Variants in CEP170 observed in about 807,000 individuals in gnomAD.
CEP170 encodes the protein centrosomal protein 170.
Under a neutral mutation model 151.9 loss-of-function variants are expected in CEP170, and 21 were observed. That is an observed-to-expected ratio of 0.14 (90% confidence interval 0.10 to 0.20). CEP170 has a LOEUF of 0.20. Ranked by LOEUF, CEP170 falls within the 10% of genes least tolerant of loss-of-function variation. CEP170 has a pLI of 1.00. For missense variants in CEP170, 964 were observed against 1,892.9 expected (o/e 0.51, Z 9.11); for synonymous variants, 356 against 648.8 (o/e 0.55, Z 6.86).
chr1:243,195,755 A>G (rs1209285078), intron 7 of CEP170, among the ~76,000 whole-genome samples: 1 of 152,142 alleles, frequency 6.6e-6, no homozygotes, highest in Non-Finnish European at 1.5e-5. Flanking sequence ...TACATTTCAA[A>G]TCTGATTCTA....
At chr1:243,149,240 G>A (rs1181455603) in intron 14 of CEP170, among the ~76,000 whole-genome samples, 1 of 152,180 alleles carries the variant, frequency 6.6e-6, no homozygotes, top group Non-Finnish European at 1.5e-5. Context: ...ATGTAATTAA[G>A]AGGATAACTT....
intron 12 of CEP170, among the ~76,000 whole-genome samples, chr1:243,168,574 C>T (rs1177388069): frequency 6.6e-6 from 1 of 151,728 alleles, no homozygotes; most frequent in African/African-American, 2.4e-5. Flanking sequence ...AGAGTTAACA[C>T]TTTTTGTGAT....
chr1:243,126,957 T>TA (rs1375057656), intron 19 of CEP170, among the ~76,000 whole-genome samples: 1 of 152,174 alleles, frequency 6.6e-6, no homozygotes, highest in African/African-American at 2.4e-5. Context: ...ATGTGGCACT[T>TA]ACGGGCATTT....
intron 12 of CEP170, chr1:243,169,270 A>G (rs2058659457): frequency 6.1e-6 from 1 of 162,652 alleles, no homozygotes; most frequent in Non-Finnish European, 1.3e-5. Context: ...GAAATATTAA[A>G]TCCAAGCTGG....
chr1:243,255,728 C>G (rs1163288272), upstream of CEP170, among the ~76,000 whole-genome samples: 1 of 152,198 alleles, frequency 6.6e-6, no homozygotes, highest in Non-Finnish European at 1.5e-5. Flanking sequence ...AATTTCGAAG[C>G]GTCAAGGCCT....
Position 243,169,647 on chromosome 1 carries a change from T to G in CEP170, c.1824A>C (p.Ala608=), listed in dbSNP as rs762208328. 6.3e-7 allele frequency: 1 copy of G among 1,598,860 alleles called. No individual in the cohort carries two copies. Among genetic ancestry groups the G allele is most frequent in the Non-Finnish European group, 8.5e-7 (1 of 1,172,372 alleles). Residue 608 remains alanine (A), a synonymous_variant, in exon 12 of 20, where the codon GCA becomes GCC. Transcript: ENST00000366542. Reference sequence around the variant, plus strand: ...GAATACCATTCTCTAAAGGAAGAGGTGCAGAAAATTCCATTATCCTTTCTT... The same window carrying G: ...GAATACCATTCTCTAAAGGAAGAGGGGCAGAAAATTCCATTATCCTTTCTT... ...DQEERIMEFS[A]PLPLENETEI... is the part of the protein sequence containing the mutation.
intron 7 of CEP170, among the ~76,000 whole-genome samples, chr1:243,197,639 G>A (rs1274163629): frequency 6.6e-6 from 1 of 152,028 alleles, no homozygotes; most frequent in Non-Finnish European, 1.5e-5. Context: ...GCCTATGAGA[G>A]TGAGGGTAAA....
At chr1:243,240,194 C>T (rs2064687591) in intron 1 of CEP170, among the ~76,000 whole-genome samples, 1 of 152,154 alleles carries the variant, frequency 6.6e-6, no homozygotes, top group African/African-American at 2.4e-5. Flanking sequence ...CCTGTAATCC[C>T]AGCTACTCAG....
intron 1 of CEP170, among the ~76,000 whole-genome samples, chr1:243,246,528 G>A (rs190505466): frequency 5.9e-5 from 9 of 152,012 alleles, no homozygotes; most frequent in Non-Finnish European, 8.8e-5. Context: ...CACTGGGCCC[G>A]GCCTGTTGTT....
chr1:243,223,097 A>G (rs2062955398), intron 2 of CEP170, among the ~76,000 whole-genome samples: 1 of 152,248 alleles, frequency 6.6e-6, no homozygotes, highest in Admixed American at 6.5e-5. Context: ...TCAGCAAAAT[A>G]ATTTCACCAT....
intron 8 of CEP170, among the ~76,000 whole-genome samples, chr1:243,188,098 C>G (rs1453067444): frequency 2.0e-5 from 3 of 151,962 alleles, no homozygotes; most frequent in Non-Finnish European, 4.4e-5. Context: ...CAAGCCCAAA[C>G]AAACTCCTTA....
upstream of CEP170, among the ~76,000 whole-genome samples, chr1:243,255,691 C>T (rs1252819742): frequency 6.6e-6 from 1 of 152,214 alleles, no homozygotes; most frequent in Admixed American, 6.5e-5. Flanking sequence ...CTTGAGTAGC[C>T]TGGGGATCAA....
At chr1:243,167,828 A>G (rs1395743281) in intron 12 of CEP170, among the ~76,000 whole-genome samples, 2 of 151,900 alleles carry the variant, frequency 1.3e-5, no homozygotes, top group Non-Finnish European at 2.9e-5. Flanking sequence ...AAGCATCTAG[A>G]ATGTAATGGC....
At chr1:243,230,805 C>T (rs1490587047) in intron 1 of CEP170, among the ~76,000 whole-genome samples, 2 of 151,958 alleles carry the variant, frequency 1.3e-5, no homozygotes, top group Non-Finnish European at 2.9e-5. Flanking sequence ...TATAGGTGTC[C>T]CAGAAGGAAA....
chr1:243,148,013 T>C (rs1156364172), intron 14 of CEP170, among the ~76,000 whole-genome samples: 2 of 151,998 alleles, frequency 1.3e-5, no homozygotes, highest in Non-Finnish European at 2.9e-5. Context: ...AAACCCTGTC[T>C]CTACTTTTAC....
At chr1:243,183,241 A>G (rs1478448661) in intron 10 of CEP170, among the ~76,000 whole-genome samples, 2 of 152,172 alleles carry the variant, frequency 1.3e-5, no homozygotes, top group East Asian at 1.9e-4. Context: ...AAATGAATCA[A>G]TGAAATAGAA....
intron 1 of CEP170, among the ~76,000 whole-genome samples, chr1:243,238,448 A>G (rs894476624): frequency 1.3e-5 from 2 of 152,024 alleles, no homozygotes; most frequent in African/African-American, 2.4e-5. Context: ...AACACAGTGA[A>G]CTGCCCTGGA....
chr1:243,172,116 T>C (rs2058889363), intron 11 of CEP170, among the ~76,000 whole-genome samples: 1 of 152,182 alleles, frequency 6.6e-6, no homozygotes, highest in South Asian at 2.1e-4. Flanking sequence ...TTTTATCTCA[T>C]AATGCCAATC....
intron 1 of CEP170, among the ~76,000 whole-genome samples, chr1:243,226,069 C>CTATATCTAGATATAAA (rs2063229761): frequency 8.6e-6 from 1 of 115,698 alleles, no homozygotes; most frequent in African/African-American, 3.2e-5. Flanking sequence ...ATATATATAT[C>CTATATCTAGATATAAA]TATATCTAGA....
Sources: gnomAD v4.1 joint callset for allele counts (sites outside exome capture counted in the v4.1 genomes callset) on GRCh38, gnomAD v4.1.1 for gene constraint, MANE v1.5 for transcripts, NCBI Gene and HGNC (gene_info 2026-07-23, HGNC 2026-07-21) for gene names.